The following CACNA1E variants were observed in gnomAD, a reference collection of about 807,000 sequenced individuals.
CACNA1E encodes the protein calcium voltage-gated channel subunit alpha1 E, also known as voltage-dependent R-type calcium channel subunit alpha-1E.
A neutral mutation model predicts 259.2 loss-of-function variants in CACNA1E; 40 were observed. The observed-to-expected ratio is 0.15, with a 90% CI of 0.12 to 0.20. CACNA1E has a LOEUF of 0.20. Among genes scored for constraint, CACNA1E ranks in the 10% least tolerant of loss-of-function variants. The pLI is 1.00. For missense variants in CACNA1E, 1,874 were observed against 3,040.1 expected (o/e 0.62, Z 9.02); for synonymous variants, 1,104 against 1,138.5 (o/e 0.97, Z 0.61).
At chr1:181,560,210 C>T (rs6668156) in intron 3 of CACNA1E, among the ~76,000 whole-genome samples, 29,368 of 151,018 alleles carry the variant, frequency 0.19, 3,226 homozygotes, top group South Asian at 0.35. Context: ...TAGGAAGATA[C>T]TGCAAACAAC....
chr1:181,388,781 C>A (rs1463526810), intron 1 of CACNA1E, among the ~76,000 whole-genome samples: 1 of 151,946 alleles, frequency 6.6e-6, no homozygotes, highest in African/African-American at 2.4e-5. Context: ...ATCCCAGCTA[C>A]TCAGGAGGCT....
At chr1:181,748,874 A>G (rs1349094853) in intron 25 of CACNA1E, among the ~76,000 whole-genome samples, 1 of 152,202 alleles carries the variant, frequency 6.6e-6, no homozygotes, top group Non-Finnish European at 1.5e-5. Flanking sequence ...AGTGCCTGAC[A>G]TATATTAAGG....
intron 2 of CACNA1E, among the ~76,000 whole-genome samples, chr1:181,430,028 A>G (rs1456189339): frequency 6.6e-6 from 1 of 152,162 alleles, no homozygotes; most frequent in Non-Finnish European, 1.5e-5. Flanking sequence ...GACACAGCAG[A>G]CTGTCTGAGA....
At chr1:181,785,466 C>G in intron 42 of CACNA1E, 48 bp downstream of exon 42, 1 of 1,319,112 alleles carries the variant, frequency 7.6e-7, no homozygotes, top group Admixed American at 1.8e-5. Context: ...TGAGGAGTTG[C>G]AGGAGGGAAT....
In CACNA1E at chr1:181,452,102, G is replaced by A. The variant is rs191021796; in HGVS notation, c.435-31642G>A. Among the ~76,000 whole-genome samples, 4 of 152,290 alleles carry A rather than the reference G, an allele frequency of 2.6e-5. No homozygotes were observed. The East Asian group carries it at 5.8e-4, about 22-fold the overall frequency. On this transcript the variant is annotated intron_variant, in intron 2 of 11. Transcript: ENST00000524607. Reference sequence around the variant, plus strand: ...ACTTGGAGCCCCTATGGTTAGGGCCGGATGAGGGCTTAGTCAATCAATTTG... The same window carrying A: ...ACTTGGAGCCCCTATGGTTAGGGCCAGATGAGGGCTTAGTCAATCAATTTG...
intron 2 of CACNA1E, among the ~76,000 whole-genome samples, chr1:181,431,626 C>T (rs1236830193): frequency 6.6e-6 from 1 of 152,182 alleles, no homozygotes; most frequent in Non-Finnish European, 1.5e-5. Context: ...CTCCAAGCCA[C>T]AGGGAAACTC....
chr1:181,568,785 C>T (rs150104184), intron 3 of CACNA1E, among the ~76,000 whole-genome samples: 58 of 152,182 alleles, frequency 3.8e-4, no homozygotes, highest in Middle Eastern at 3.4e-3. Context: ...CATAGAGATT[C>T]GTAGAGATAG....
chr1:181,554,721 T>A (rs1648544716), intron 3 of CACNA1E, among the ~76,000 whole-genome samples: 1 of 152,330 alleles, frequency 6.6e-6, no homozygotes, highest in East Asian at 1.9e-4. Context: ...TGAATTCTCC[T>A]GGGATTGACA....
chr1:181,483,934 A>G lies in CACNA1E; in HGVS notation c.190A>G (p.Thr64Ala), dbSNP rs756045659. 17 of 1,613,472 alleles carry G rather than the reference A, an allele frequency of 1.1e-5. No homozygotes were observed. The highest frequency in any genetic ancestry group is 1.4e-5 in the Non-Finnish European group (17 of 1,179,716). The change falls in exon 1 of 48, where the codon ACC becomes GCC. Residue 64 changes from threonine (T) to alanine (A), a missense_variant. By Grantham distance (58) the Thr-to-Ala change is moderately conservative. Transcript: ENST00000367573. ...CATTCCCGTCCGGCAGAACTGTTTC[A>G]CCGTCAACAGATCCCTGTTCATCTT... ...NPIPVRQNCF[T>A]VNRSLFIFGE...
chr1:181,470,211 T>G (rs1333491337), intron 2 of CACNA1E, among the ~76,000 whole-genome samples: 1 of 151,798 alleles, frequency 6.6e-6, no homozygotes, highest in Non-Finnish European at 1.5e-5. Flanking sequence ...TTTTTTTTTA[T>G]AGATAGGATC....
intron 3 of CACNA1E, among the ~76,000 whole-genome samples, chr1:181,577,000 A>G (rs1345830580): frequency 1.3e-5 from 2 of 152,170 alleles, no homozygotes; most frequent in East Asian, 3.8e-4. Flanking sequence ...TCTGCTCTTA[A>G]TCTTCTGCTA....
chr1:181,567,599 G>A (rs1649972396), intron 3 of CACNA1E, among the ~76,000 whole-genome samples: 1 of 152,204 alleles, frequency 6.6e-6, no homozygotes, highest in Non-Finnish European at 1.5e-5. Flanking sequence ...GCAAGATGTT[G>A]TTGCTTCAGG....
chr1:181,784,531 G>T, intron 40 of CACNA1E, 130 bp from the exon 41 acceptor site: 1 of 611,010 alleles, frequency 1.6e-6, no homozygotes. Flanking sequence ...AAGATCCACT[G>T]TCACTCAGTG....
chr1:181,567,222 G>C (rs1649930366), intron 3 of CACNA1E, among the ~76,000 whole-genome samples: 1 of 152,184 alleles, frequency 6.6e-6, no homozygotes, highest in South Asian at 2.1e-4. Context: ...AGAAGGGGTT[G>C]CCTTACTTTT....
intron 2 of CACNA1E, among the ~76,000 whole-genome samples, chr1:181,461,500 C>T (rs1378236772): frequency 6.7e-6 from 1 of 148,196 alleles, no homozygotes; most frequent in Non-Finnish European, 1.5e-5. Flanking sequence ...GAGATTGCAC[C>T]ACTGCACTCC....
chr1:181,442,073 A>G (rs1194709202), intron 2 of CACNA1E, among the ~76,000 whole-genome samples: 1 of 152,226 alleles, frequency 6.6e-6, no homozygotes, highest in Non-Finnish European at 1.5e-5. Context: ...GCCATGTAAT[A>G]GGCTGCAAAA....
At chr1:181,531,186 A>G (rs1420541432) in intron 3 of CACNA1E, among the ~76,000 whole-genome samples, 1 of 152,158 alleles carries the variant, frequency 6.6e-6, no homozygotes, top group Non-Finnish European at 1.5e-5. Context: ...TATTTGGATA[A>G]ATTGCTCCAG....
chr1:181,724,427 C>T (rs1285804577), intron 16 of CACNA1E, 43 bp from the exon 17 acceptor site: 3 of 1,550,450 alleles, frequency 1.9e-6, no homozygotes, highest in South Asian at 2.3e-5. Context: ...TTGCTGAAGA[C>T]TTTTGCTTTT....
At chr1:181,611,660 T>C (rs941380257) in intron 6 of CACNA1E, among the ~76,000 whole-genome samples, 2 of 152,150 alleles carry the variant, frequency 1.3e-5, no homozygotes, top group African/African-American at 2.4e-5. Flanking sequence ...GTAGATTCAA[T>C]AGGGGAAGGG....
Sources: gnomAD v4.1 joint callset for allele counts (sites outside exome capture counted in the v4.1 genomes callset) on GRCh38, gnomAD v4.1.1 for gene constraint, MANE v1.5 for transcripts, NCBI Gene and HGNC (gene_info 2026-07-23, HGNC 2026-07-21) for gene names.